ITGA2: variants seen among roughly 807,000 people sequenced by gnomAD.
ITGA2 encodes integrin alpha-2.
In ITGA2, 101 loss-of-function variants were observed where a neutral mutation model predicts 146.3. That is an observed-to-expected ratio of 0.69 (90% CI 0.59 to 0.81). The LOEUF (loss-of-function observed/expected upper bound fraction) is 0.81, where lower values mean the gene tolerates loss of function less well. ITGA2 is among the 40% of genes least tolerant of loss of function. The pLI is 0.00. For missense variants in ITGA2, 1,281 were observed against 1,402.7 expected (o/e 0.91, Z 1.39); for synonymous variants, 477 against 487.1 (o/e 0.98, Z 0.27).
intron 1 of ITGA2, among the ~76,000 whole-genome samples, chr5:52,999,483 TA>T (rs1238589209): frequency 6.6e-6 from 1 of 152,122 alleles, no homozygotes; most frequent in Non-Finnish European, 1.5e-5. Flanking sequence ...AACTTCTGGG[TA>T]AGAGACAAAG....
chr5:53,005,682 G>A lies in ITGA2; in HGVS notation c.64+16150G>A, dbSNP rs576080028. On this transcript the variant is annotated intron_variant, in intron 1 of 29. Transcript: ENST00000296585. ...TCAGTAGTGTATAATGATACTAATC[G>A]TAAAAACAAAAAAAATCTACTAAGT... 1.3e-4 allele frequency among the ~76,000 whole-genome samples: 20 copies of A among 151,688 alleles called. No individual in the cohort carries two copies. The South Asian group carries it at 3.5e-3, about 27-fold the overall frequency.
At chr5:53,043,701 G>A (rs1009884369) in intron 3 of ITGA2, among the ~76,000 whole-genome samples, 4 of 152,164 alleles carry the variant, frequency 2.6e-5, no homozygotes, top group Non-Finnish European at 5.9e-5. Flanking sequence ...GATACTTTTT[G>A]TAGGGAACAT....
intron 4 of ITGA2, 139 bp downstream of exon 4, chr5:53,045,231 C>G: frequency 1.4e-6 from 1 of 722,780 alleles, no homozygotes. Flanking sequence ...ATTTGGCTAT[C>G]CAATGTTGAA....
chr5:53,055,419 TG>T (rs1348059781), intron 7 of ITGA2, 118 bp from the exon 8 acceptor site: 1 of 835,878 alleles, frequency 1.2e-6, no homozygotes, highest in Non-Finnish European at 2.0e-6. Flanking sequence ...AGAATTAATA[TG>T]GAGTTACAAT....
At chr5:52,989,870 T>TG (rs1224141873) in intron 1 of ITGA2, among the ~76,000 whole-genome samples, 1 of 151,426 alleles carries the variant, frequency 6.6e-6, no homozygotes, top group Non-Finnish European at 1.5e-5. Context: ...ATGGACAGTG[T>TG]GGGGATCCGC....
intron 6 of ITGA2, among the ~76,000 whole-genome samples, chr5:53,050,390 C>G (rs1337400384): frequency 6.6e-6 from 1 of 152,154 alleles, no homozygotes; most frequent in Non-Finnish European, 1.5e-5. Context: ...ATCTTCCTCT[C>G]GTATTGGACT....
At chr5:53,089,869 A>C in intron 28 of ITGA2, 77 bp from the exon 29 acceptor site, 1 of 867,602 alleles carries the variant, frequency 1.2e-6, no homozygotes, top group Non-Finnish European at 2.0e-6. Context: ...CACTTACAGA[A>C]TTAGAGAATT....
At chr5:53,071,161 T>C (rs1016128948) in intron 17 of ITGA2, among the ~76,000 whole-genome samples, 3 of 151,796 alleles carry the variant, frequency 2.0e-5, no homozygotes. Flanking sequence ...TTAAAATCAG[T>C]TGAGTTGTTT....
At chr5:53,083,158 G>T (rs1263852237) in intron 26 of ITGA2, among the ~76,000 whole-genome samples, 182 bp from the exon 27 acceptor site, 1 of 152,098 alleles carries the variant, frequency 6.6e-6, no homozygotes. Flanking sequence ...TACATTTTGA[G>T]ATATAGTCCC....
chr5:52,999,296 TC>T (rs1202107103), intron 1 of ITGA2, among the ~76,000 whole-genome samples: 1 of 152,090 alleles, frequency 6.6e-6, no homozygotes, highest in African/African-American at 2.4e-5. Context: ...AGAAAAAAAA[TC>T]AAAATTCAAA....
Position 53,048,436 on chromosome 5 carries a change from C to G in ITGA2, c.461C>G (p.Pro154Arg), listed in dbSNP as rs1332375915. 4 of 1,614,068 alleles carry G rather than the reference C, an allele frequency of 2.5e-6. No homozygotes were observed. Among genetic ancestry groups the G allele is most frequent in the Non-Finnish European group, 3.4e-6 (4 of 1,179,978 alleles). The change falls in exon 5 of 30, where the codon CCT becomes CGT. Residue 154 changes from proline to arginine, a missense_variant. By Grantham distance (103) the Pro-to-Arg change is moderately radical. Around this residue, in one of 3 missense-constraint regions of ITGA2, gnomAD observed 795 missense variants for 841.7 expected, o/e 0.94. Coordinates refer to ENST00000296585, the MANE Select transcript of ITGA2 (RefSeq NM_002203.4). ...YTTGVCSDISPDFQLSASFSP... is the reference protein window; with the variant it reads ...YTTGVCSDISRDFQLSASFSP... ...ACGGGTGTGTGTTCTGACATCAGTCCTGATTTTCAGCTCTCAGCCAGCTTC... is the reference window on the plus strand; with the variant it reads ...ACGGGTGTGTGTTCTGACATCAGTCGTGATTTTCAGCTCTCAGCCAGCTTC...
intron 18 of ITGA2, 39 bp downstream of exon 18, chr5:53,072,087 A>G (rs1745427583): frequency 4.3e-6 from 6 of 1,384,876 alleles, no homozygotes; most frequent in Admixed American, 3.4e-5. Context: ...AGACTGGCAA[A>G]TAAAGTTCCA....
chr5:53,030,906 A>G (rs1045534230), intron 2 of ITGA2, among the ~76,000 whole-genome samples: 6 of 152,080 alleles, frequency 3.9e-5, no homozygotes, highest in African/African-American at 1.4e-4. Context: ...TTTTCTCATG[A>G]CCTCTGTCAT....
chr5:53,070,200 G>A lies in ITGA2; in HGVS notation c.2175G>A (p.Leu725=), dbSNP rs1200044184. The change falls in exon 17 of 30, where the codon CTG becomes CTA. Residue 725 remains leucine, a synonymous_variant. Coordinates refer to ENST00000296585, the MANE Select transcript of ITGA2 (RefSeq NM_002203.4). ...TTAAAGAAAACAATGAAAGGTGCCT[G>A]CAGAAGAATATGGTAGTAAATCAAG... is the stretch of plus-strand genomic sequence containing the variant. ...GLFKENNERC[L]QKNMVVNQAQ... is the part of the protein sequence containing the mutation. 1 of 1,612,032 alleles carries A rather than the reference G, an allele frequency of 6.2e-7. No homozygotes were observed. Among genetic ancestry groups the A allele is most frequent in the Non-Finnish European group, 8.5e-7 (1 of 1,178,688 alleles).
At chr5:53,012,695 A>G (rs993013093) in intron 1 of ITGA2, among the ~76,000 whole-genome samples, 6 of 152,276 alleles carry the variant, frequency 3.9e-5, no homozygotes, top group African/African-American at 1.4e-4. Context: ...CCACAATGGT[A>G]GAACTAATTT....
intron 27 of ITGA2, among the ~76,000 whole-genome samples, chr5:53,085,457 A>C (rs1746115602): frequency 6.6e-6 from 1 of 152,198 alleles, no homozygotes; most frequent in Admixed American, 6.5e-5. Context: ...AGAATGCTAT[A>C]AGAAAAATTC....
At chr5:53,085,082 G>T (rs969308948) in intron 27 of ITGA2, among the ~76,000 whole-genome samples, 3 of 152,238 alleles carry the variant, frequency 2.0e-5, no homozygotes, top group Admixed American at 6.5e-5. Flanking sequence ...TTCATGAAAA[G>T]TCAAATGTTT....
At chr5:53,014,267 A>G (rs1742295980) in intron 1 of ITGA2, among the ~76,000 whole-genome samples, 1 of 152,082 alleles carries the variant, frequency 6.6e-6, no homozygotes, top group African/African-American at 2.4e-5. Context: ...ACTTTGAGGT[A>G]TGTTTCTTCA....
chr5:53,062,942 A>T lies in ITGA2; in HGVS notation c.1602+13A>T, dbSNP rs761107237. 1.3e-6 allele frequency: 2 copies of T among 1,599,870 alleles called. No homozygotes were observed. The highest frequency in any genetic ancestry group is 1.3e-5 in the African/African-American group (1 of 74,386). Reference sequence around the variant, plus strand: ...TACTATCAAAGAGGTAAAAAAAAAAAAATAAACTAATAGTTTAATTTGCTT... The same window carrying T: ...TACTATCAAAGAGGTAAAAAAAAAATAATAAACTAATAGTTTAATTTGCTT... On this transcript the variant is annotated intron_variant, in intron 13 of 29. Transcript: ENST00000296585.
Sources: gnomAD v4.1 joint callset for allele counts (sites outside exome capture counted in the v4.1 genomes callset) on GRCh38, gnomAD v4.1.1 for gene constraint, gnomAD v4.1.1 regional missense constraint, MANE v1.5 for transcripts, NCBI Gene and HGNC (gene_info 2026-07-23, HGNC 2026-07-21) for gene names.